The following ABTB3 variants were observed in gnomAD, a reference collection of about 807,000 sequenced individuals.
ABTB3 encodes ankyrin repeat- and BTB/POZ domain-containing protein 3.
the ABTB3 span, among the ~76,000 whole-genome samples, chr12:107,587,609 G>A: frequency 1.3e-5 from 2 of 152,188 alleles, no homozygotes; most frequent in Non-Finnish European, 2.9e-5. Flanking sequence ...GCACAGATCT[G>A]TACACTTAAA....
the ABTB3 span, among the ~76,000 whole-genome samples, chr12:107,605,373 A>G: frequency 1.3e-5 from 2 of 152,236 alleles, no homozygotes; most frequent in African/African-American, 4.8e-5. Flanking sequence ...ACGAGGAGAC[A>G]AACAAAATTG....
the ABTB3 span, among the ~76,000 whole-genome samples, chr12:107,470,379 C>T: frequency 8.6e-5 from 13 of 152,016 alleles, no homozygotes; most frequent in Non-Finnish European, 1.6e-4. Context: ...GGTAGGGGCT[C>T]AAAAATATTT....
chr12:107,443,677 G>A, the ABTB3 span, among the ~76,000 whole-genome samples: 1 of 152,150 alleles, frequency 6.6e-6, no homozygotes, highest in Non-Finnish European at 1.5e-5. Context: ...TTTTCTCTCT[G>A]AGCGTCGTGT....
At chr12:107,423,010 T>C in the ABTB3 span, among the ~76,000 whole-genome samples, 4,285 of 152,288 alleles carry the variant, frequency 0.028, 151 homozygotes, top group African/African-American at 0.088. Flanking sequence ...TACCTTATGT[T>C]ACCTGCCCTT....
At chr12:107,421,986 C>T in the ABTB3 span, among the ~76,000 whole-genome samples, 2 of 152,134 alleles carry the variant, frequency 1.3e-5, no homozygotes, top group East Asian at 3.8e-4. Flanking sequence ...AACTTATACT[C>T]TAGTGGGGAA....
the ABTB3 span, among the ~76,000 whole-genome samples, chr12:107,469,320 G>A: frequency 6.6e-6 from 1 of 152,208 alleles, no homozygotes; most frequent in South Asian, 2.1e-4. Context: ...CACATCTGCT[G>A]ACTCACCAAT....
chr12:107,518,924 G>A, the ABTB3 span, among the ~76,000 whole-genome samples: 3 of 152,316 alleles, frequency 2.0e-5, no homozygotes, highest in Non-Finnish European at 4.4e-5. Context: ...TGATTTTGCA[G>A]CTATGTGTGT....
At chr12:107,637,716 C>T in the ABTB3 span, among the ~76,000 whole-genome samples, 11 of 151,278 alleles carry the variant, frequency 7.3e-5, no homozygotes, top group East Asian at 7.8e-4. Context: ...GTGATATAAA[C>T]GAGTGAAATG....
At chr12:107,534,039 A>T in the ABTB3 span, among the ~76,000 whole-genome samples, 1 of 152,188 alleles carries the variant, frequency 6.6e-6, no homozygotes, top group Non-Finnish European at 1.5e-5. Context: ...AGAAATTTAA[A>T]AAGAAATTAA....
At chr12:107,587,207 C>T in the ABTB3 span, among the ~76,000 whole-genome samples, 25 of 152,188 alleles carry the variant, frequency 1.6e-4, no homozygotes, top group African/African-American at 5.8e-4. Flanking sequence ...CGCAAAAGAA[C>T]TTTGGCAGTA....
At chr12:107,498,243 G>A in the ABTB3 span, among the ~76,000 whole-genome samples, 1 of 152,220 alleles carries the variant, frequency 6.6e-6, no homozygotes, top group Non-Finnish European at 1.5e-5. Flanking sequence ...GGGAGAAAAG[G>A]CAAAGGCCGA....
the ABTB3 span, among the ~76,000 whole-genome samples, chr12:107,656,514 G>C: frequency 1.2e-4 from 18 of 152,216 alleles, no homozygotes; most frequent in Non-Finnish European, 2.2e-4. Flanking sequence ...TATAAAAACA[G>C]GTGGTGGCCC....
the ABTB3 span, chr12:107,610,342 C>T: frequency 6.2e-7 from 1 of 1,614,088 alleles, no homozygotes; most frequent in Non-Finnish European, 8.5e-7. Flanking sequence ...GGGATCAACA[C>T]CATGAGCGAA....
At chr12:107,646,303 C>T in the ABTB3 span, among the ~76,000 whole-genome samples, 1 of 152,212 alleles carries the variant, frequency 6.6e-6, no homozygotes, top group African/African-American at 2.4e-5. Flanking sequence ...AATTTAAATT[C>T]CATTAGCCCC....
the ABTB3 span, among the ~76,000 whole-genome samples, chr12:107,361,782 T>C: frequency 1.3e-5 from 2 of 152,142 alleles, no homozygotes; most frequent in African/African-American, 2.4e-5. Context: ...CTGCTATCGA[T>C]TGGAGGTTTG....
the ABTB3 span, among the ~76,000 whole-genome samples, chr12:107,499,465 C>G: frequency 6.6e-6 from 1 of 151,986 alleles, no homozygotes; most frequent in East Asian, 1.9e-4. Context: ...AACAAAGGCT[C>G]TCTAATAAAT....
chr12:107,526,030 G>A, the ABTB3 span, among the ~76,000 whole-genome samples: 1 of 152,076 alleles, frequency 6.6e-6, no homozygotes, highest in East Asian at 1.9e-4. Flanking sequence ...TGTATTGTGA[G>A]CACCTAACAC....
chr12:107,605,534 G>C, the ABTB3 span, among the ~76,000 whole-genome samples: 1 of 152,194 alleles, frequency 6.6e-6, no homozygotes, highest in East Asian at 1.9e-4. Flanking sequence ...GAGGAGAGTC[G>C]CTGTTGCAGA....
At chr12:107,358,060 T>C in the ABTB3 span, among the ~76,000 whole-genome samples, 1 of 152,162 alleles carries the variant, frequency 6.6e-6, no homozygotes, top group African/African-American at 2.4e-5. Flanking sequence ...TTGCCTACAA[T>C]GAACCAGACA....
Sources: allele counts gnomAD v4.1 joint callset (sites outside exome capture counted in the v4.1 genomes callset), GRCh38; gene constraint gnomAD v4.1.1; transcripts MANE v1.5; gene names NCBI Gene and HGNC (gene_info 2026-07-23, HGNC 2026-07-21).